Variants in ERBB4 observed in about 807,000 individuals in gnomAD.
The protein encoded by ERBB4 is receptor tyrosine-protein kinase erbB-4.
In ERBB4, 42 loss-of-function variants were observed where a neutral mutation model predicts 158.0. That is an observed-to-expected ratio of 0.27 (90% confidence interval 0.21 to 0.34). ERBB4 has a LOEUF of 0.34. Among genes scored for constraint, ERBB4 ranks in the 10% least tolerant of loss-of-function variants. The pLI, the probability that ERBB4 is intolerant of heterozygous loss-of-function variation, is 1.00. For missense variants in ERBB4, 1,333 were observed against 1,624.1 expected (o/e 0.82, Z 3.08); for synonymous variants, 583 against 558.7 (o/e 1.04, Z -0.61).
intron 20 of ERBB4, among the ~76,000 whole-genome samples, chr2:211,447,019 A>G (rs16846200): frequency 6.6e-6 from 1 of 152,134 alleles, no homozygotes; most frequent in Non-Finnish European, 1.5e-5. Flanking sequence ...ACAACAAAGC[A>G]ACATTCACAA....
At chr2:212,003,152 A>G (rs186621429) in intron 2 of ERBB4, among the ~76,000 whole-genome samples, 5,890 of 21,936 alleles carry the variant, frequency 0.27, 646 homozygotes, top group Non-Finnish European at 0.38. Context: ...AAGGAAGGAA[A>G]GAAAGAAAGA....
intron 20 of ERBB4, among the ~76,000 whole-genome samples, chr2:211,532,346 C>T (rs1046002559): frequency 2.0e-5 from 3 of 151,748 alleles, no homozygotes; most frequent in Admixed American, 2.0e-4. Context: ...CCCCATTTAC[C>T]CTGACGAGAT....
intron 3 of ERBB4, among the ~76,000 whole-genome samples, chr2:211,816,902 G>C (rs939193003): frequency 6.6e-6 from 1 of 152,152 alleles, no homozygotes; most frequent in Non-Finnish European, 1.5e-5. Flanking sequence ...CATAGGTACT[G>C]TTTTCTAGAT....
intron 3 of ERBB4, among the ~76,000 whole-genome samples, chr2:211,892,659 C>T (rs1487982420): frequency 4.1e-5 from 6 of 145,654 alleles, no homozygotes; most frequent in Admixed American, 4.0e-4. Flanking sequence ...ATCTAGAAAA[C>T]CCCATTGTTT....
chr2:211,678,300 CAA>C (rs66468350), intron 13 of ERBB4, among the ~76,000 whole-genome samples: 18,404 of 96,440 alleles, frequency 0.19, 1,267 homozygotes, highest in African/African-American at 0.28. Flanking sequence ...AACAAACAAA[CAA>C]AAAAAAACAA....
chr2:211,559,593 G>A (rs2067331071), intron 20 of ERBB4, among the ~76,000 whole-genome samples: 1 of 152,126 alleles, frequency 6.6e-6, no homozygotes, highest in African/African-American at 2.4e-5. Flanking sequence ...CATAGCTGAA[G>A]ACTTCTCCCT....
intron 1 of ERBB4, among the ~76,000 whole-genome samples, chr2:212,460,304 G>C (rs1279174108): frequency 6.6e-6 from 1 of 152,202 alleles, no homozygotes; most frequent in Admixed American, 6.5e-5. Flanking sequence ...TTGCTGAAAA[G>C]ATACCCCAAA....
chr2:211,954,256 A>G (rs182947705), intron 2 of ERBB4, among the ~76,000 whole-genome samples: 3 of 152,192 alleles, frequency 2.0e-5, no homozygotes, highest in East Asian at 3.9e-4. Context: ...ATTCCTAAAT[A>G]TTTAATAAGT....
chr2:212,383,897 CA>C (rs2090590517), intron 1 of ERBB4, among the ~76,000 whole-genome samples: 2 of 151,638 alleles, frequency 1.3e-5, no homozygotes, highest in African/African-American at 4.8e-5. Flanking sequence ...TTTACATTTC[CA>C]ATGTCCTACA....
intron 2 of ERBB4, among the ~76,000 whole-genome samples, chr2:211,959,946 TAATGAAGACCATAATGGGG>T (rs1348012072): frequency 5.8e-4 from 88 of 152,200 alleles, no homozygotes; most frequent in Non-Finnish European, 1.1e-3. Flanking sequence ...TATTAGAAAG[TAATGAAGACCATAATGGGG>T]GTATCGACAG....
intron 2 of ERBB4, among the ~76,000 whole-genome samples, chr2:212,046,117 C>T (rs2077255432): frequency 6.6e-6 from 1 of 152,078 alleles, no homozygotes; most frequent in African/African-American, 2.4e-5. Context: ...TTTTTTCAGA[C>T]ATGTGAAGTG....
At position 211,595,121 on chromosome 2, in the gene ERBB4, A is replaced by C. The variant is rs551111432; in HGVS notation, c.2301+24056T>G. Among the ~76,000 whole-genome samples the C allele has an allele frequency of 2.5e-4, 38 of 152,178 alleles. No homozygotes were observed. In the South Asian group the frequency reaches 3.5e-3, roughly 14 times the overall value. ...TGAGAATAAGAAAGATTCAAATAAA[A>C]TAGTCATTGAAGAAGTACAATATCA... On this transcript the variant is annotated intron_variant, in intron 19 of 27. Coordinates refer to ENST00000342788, the MANE Select transcript of ERBB4 (RefSeq NM_005235.3).
intron 7 of ERBB4, among the ~76,000 whole-genome samples, chr2:211,716,174 C>T (rs1257121282): frequency 2.0e-5 from 3 of 149,414 alleles, no homozygotes; most frequent in Non-Finnish European, 4.4e-5. Flanking sequence ...ACCAGCCTGA[C>T]CAACATGGAG....
At chr2:211,686,437 T>A (rs1400320553) in intron 12 of ERBB4, among the ~76,000 whole-genome samples, 1 of 152,238 alleles carries the variant, frequency 6.6e-6, no homozygotes, top group African/African-American at 2.4e-5. Context: ...CGTATATCCC[T>A]GGAATAAACT....
chr2:211,554,924 A>C (rs2067197297), intron 20 of ERBB4, among the ~76,000 whole-genome samples: 1 of 152,160 alleles, frequency 6.6e-6, no homozygotes, highest in African/African-American at 2.4e-5. Flanking sequence ...GAAACACCTC[A>C]CATACACTAT....
chr2:212,397,369 A>G (rs1309866702), intron 1 of ERBB4, among the ~76,000 whole-genome samples: 2 of 152,148 alleles, frequency 1.3e-5, no homozygotes, highest in South Asian at 2.1e-4. Context: ...GCTACTCAAG[A>G]GGCTGAGGCG....
chr2:212,429,266 TTCTC>T (rs1230959356), intron 1 of ERBB4: 3 of 152,030 alleles, frequency 2.0e-5, no homozygotes, highest in Non-Finnish European at 4.4e-5. Context: ...TCACTGTCCT[TTCTC>T]TCTCTCTGAT....
At position 211,382,723 on chromosome 2, in the gene ERBB4, G is replaced by GA. The variant is rs1012251224; in HGVS notation, c.*891dup. 3.0e-4 allele frequency: 69 copies of GA among 228,480 alleles called. No individual in the cohort carries two copies. The highest frequency in any genetic ancestry group is 1.3e-3 in the Middle Eastern group (1 of 772). The allele number at this position is 228,480 out of a possible 1,614,324, so 14.2% of individuals were successfully genotyped here. A position where few individuals can be genotyped will look rare whatever the true frequency, so the allele number is the denominator to read the frequency against. The stretch of plus-strand genomic sequence containing the variant: ...CCTATCAAGTAGTGTCATTTATGGA[G>GA]AAAAAAAAATGTTGAAAAATGTAAA... On this transcript the variant is annotated 3_prime_UTR_variant, in exon 28 of 28. Coordinates refer to ENST00000342788, the MANE Select transcript of ERBB4 (RefSeq NM_005235.3).
chr2:211,632,958 T>C (rs113018438), intron 16 of ERBB4, among the ~76,000 whole-genome samples: 4,902 of 152,216 alleles, frequency 0.032, 248 homozygotes, highest in African/African-American at 0.11. Context: ...AAGTGTTTTA[T>C]TGAACATTAT....
Sources: allele counts gnomAD v4.1 joint callset (sites outside exome capture counted in the v4.1 genomes callset), GRCh38; gene constraint gnomAD v4.1.1; transcripts MANE v1.5; gene names NCBI Gene and HGNC (gene_info 2026-07-23, HGNC 2026-07-21).